Variants in PPP2R2B observed in about 807,000 individuals in gnomAD.
The protein encoded by PPP2R2B is protein phosphatase 2 regulatory subunit Bbeta, also known as serine/threonine-protein phosphatase 2A 55 kDa regulatory subunit B beta isoform.
Under a neutral mutation model 46.0 loss-of-function variants are expected in PPP2R2B, and 5 were observed. That is an observed-to-expected ratio of 0.11 (90% CI 0.06 to 0.23). The LOEUF (loss-of-function observed/expected upper bound fraction) is 0.23. PPP2R2B is among the 10% of genes least tolerant of loss of function. PPP2R2B has a pLI of 1.00. For missense variants in PPP2R2B, 367 were observed against 575.0 expected, an observed-to-expected ratio of 0.64 and a Z score of 3.70; for synonymous variants, 215 against 206.7, an observed-to-expected ratio of 1.04 and a Z score of -0.34.
intron 7 of PPP2R2B, among the ~76,000 whole-genome samples, chr5:146,637,335 A>G (rs1017295473): frequency 4.6e-5 from 7 of 152,338 alleles, no homozygotes; most frequent in African/African-American, 1.7e-4. Context: ...TGGTTATACA[A>G]CTGGGCTTGG....
At chr5:146,795,071 G>C (rs1366107388) in intron 2 of PPP2R2B, among the ~76,000 whole-genome samples, 1 of 152,010 alleles carries the variant, frequency 6.6e-6, no homozygotes, top group African/African-American at 2.4e-5. Context: ...AAGAAAATGG[G>C]TTCTTAGTTG....
In PPP2R2B at chr5:146,703,225, G is replaced by A. The variant is rs371958366; in HGVS notation, c.71-2083C>T. On this transcript the variant is annotated intron_variant, in intron 2 of 9. Coordinates refer to ENST00000394411, the MANE Select transcript of PPP2R2B (RefSeq NM_181675.4). ...TCCAAATTTGGGTACAGCCTAAAGC[G>A]GGCATGTCTATTGCTTTTCACTTTT... Among the ~76,000 whole-genome samples the A allele has an allele frequency of 2.8e-4, 42 of 152,256 alleles. No homozygotes were observed. In the East Asian group the frequency reaches 4.2e-3, roughly 15 times the overall value.
chr5:146,696,441 A>C (rs1447945360), intron 4 of PPP2R2B, among the ~76,000 whole-genome samples: 1 of 152,178 alleles, frequency 6.6e-6, no homozygotes, highest in Non-Finnish European at 1.5e-5. Flanking sequence ...CAATAGGCTA[A>C]ATTTGAGAAT....
At chr5:146,608,352 T>C (rs936467787) in intron 7 of PPP2R2B, among the ~76,000 whole-genome samples, 2 of 152,328 alleles carry the variant, frequency 1.3e-5, no homozygotes, top group East Asian at 1.9e-4. Context: ...GTCAGACATA[T>C]TGGGGCTAGA....
chr5:146,620,507 AT>A (rs1381359708), intron 7 of PPP2R2B, among the ~76,000 whole-genome samples: 12 of 152,152 alleles, frequency 7.9e-5, no homozygotes, highest in Admixed American at 7.2e-4. Flanking sequence ...TAATGAAGAA[AT>A]CTGGTAACAG....
chr5:146,997,597 A>T (rs1580775294), intron 1 of PPP2R2B, among the ~76,000 whole-genome samples: 1 of 152,184 alleles, frequency 6.6e-6, no homozygotes, highest in Non-Finnish European at 1.5e-5. Flanking sequence ...GCATGCCAAC[A>T]TGTGAGACCA....
intron 1 of PPP2R2B, among the ~76,000 whole-genome samples, chr5:147,012,419 G>T (rs1561576077): frequency 6.6e-6 from 1 of 152,010 alleles, no homozygotes; most frequent in Non-Finnish European, 1.5e-5. Flanking sequence ...GGGATCAGTG[G>T]TGATATCCCC....
intron 2 of PPP2R2B, chr5:146,706,396 A>T (rs1779854719): frequency 4.0e-6 from 3 of 758,670 alleles, no homozygotes; most frequent in Non-Finnish European, 6.6e-6. Context: ...CACCACCTGC[A>T]TAGCCGCTGG....
intron 1 of PPP2R2B, among the ~76,000 whole-genome samples, chr5:147,030,137 A>G (rs893797678): frequency 2.6e-5 from 4 of 152,184 alleles, no homozygotes; most frequent in Non-Finnish European, 5.9e-5. Context: ...AACATGATAT[A>G]TTCCTCCAGT....
intron 5 of PPP2R2B, among the ~76,000 whole-genome samples, chr5:146,664,188 G>A (rs1024923788): frequency 6.6e-6 from 1 of 152,146 alleles, no homozygotes; most frequent in African/African-American, 2.4e-5. Flanking sequence ...CATATCGATC[G>A]ACTCTTCCTT....
At chr5:146,680,556 A>AT (rs1381666491) in intron 5 of PPP2R2B, among the ~76,000 whole-genome samples, 2 of 151,338 alleles carry the variant, frequency 1.3e-5, no homozygotes, top group African/African-American at 4.9e-5. Context: ...AATAATAATA[A>AT]AAAAAACCAC....
At chr5:146,590,256 T>C (rs574392464) in intron 9 of PPP2R2B, 30 bp from the exon 10 acceptor site, 2 of 1,536,414 alleles carry the variant, frequency 1.3e-6, no homozygotes, top group South Asian at 1.2e-5. Context: ...GGCAATGACA[T>C]ATCTTCACTG....
At chr5:146,666,532 G>A (rs1776987828) in intron 5 of PPP2R2B, among the ~76,000 whole-genome samples, 1 of 152,168 alleles carries the variant, frequency 6.6e-6, no homozygotes, top group Non-Finnish European at 1.5e-5. Flanking sequence ...ATTCCTGTGA[G>A]CTTAATATCT....
chr5:146,633,152 G>A (rs1341237466), intron 7 of PPP2R2B, among the ~76,000 whole-genome samples: 1 of 152,180 alleles, frequency 6.6e-6, no homozygotes, highest in Non-Finnish European at 1.5e-5. Context: ...AAAAAAATAG[G>A]CGAGGGAGAA....
chr5:147,054,424 T>C (rs865975718), intron 1 of PPP2R2B, among the ~76,000 whole-genome samples: 4 of 152,134 alleles, frequency 2.6e-5, no homozygotes, highest in Admixed American at 1.3e-4. Context: ...GAAGAAAAGA[T>C]TTCTCAGTGG....
intron 8 of PPP2R2B, among the ~76,000 whole-genome samples, chr5:146,598,230 G>A (rs1014330021): frequency 3.3e-5 from 5 of 152,168 alleles, no homozygotes; most frequent in African/African-American, 1.2e-4. Context: ...CAAGTTCGTA[G>A]TCTTCTGTAC....
intron 2 of PPP2R2B, among the ~76,000 whole-genome samples, chr5:146,709,212 T>C (rs971505445): frequency 6.6e-6 from 1 of 152,186 alleles, no homozygotes; most frequent in African/African-American, 2.4e-5. Flanking sequence ...GATAGAAGGG[T>C]CCAATAGCTC....
intron 2 of PPP2R2B, among the ~76,000 whole-genome samples, chr5:146,854,197 G>A (rs889975750): frequency 6.6e-6 from 1 of 152,064 alleles, no homozygotes; most frequent in East Asian, 1.9e-4. Flanking sequence ...ACACTGGAAT[G>A]GATTTTAGAA....
intron 1 of PPP2R2B, among the ~76,000 whole-genome samples, chr5:147,029,466 TTTATTA>T: frequency 6.6e-6 from 1 of 152,300 alleles, no homozygotes; most frequent in South Asian, 2.1e-4. Flanking sequence ...GTTTCTGGAC[TTTATTA>T]TATTCCATTG....
Sources: gnomAD v4.1 joint callset for allele counts (sites outside exome capture counted in the v4.1 genomes callset) on GRCh38, gnomAD v4.1.1 for gene constraint, MANE v1.5 for transcripts, NCBI Gene and HGNC (gene_info 2026-07-23, HGNC 2026-07-21) for gene names.